Variants in MRPS27 observed in about 807,000 individuals in gnomAD.
MRPS27 encodes small ribosomal subunit protein mS27.
In MRPS27, 43 loss-of-function variants were observed where a neutral mutation model predicts 48.9. That is an observed-to-expected ratio of 0.88 (90% CI 0.69 to 1.13). The LOEUF is 1.13. MRPS27 is among the 50% of genes most tolerant of loss of function. The pLI is 0.00. For synonymous variants in MRPS27, 188 were observed against 171.9 expected, an observed-to-expected ratio of 1.09 and a Z score of -0.73; for missense variants, 467 against 476.3, an observed-to-expected ratio of 0.98 and a Z score of 0.18.
At chr5:72,286,399 G>A (rs1028637943) in intron 4 of MRPS27, among the ~76,000 whole-genome samples, 5 of 152,060 alleles carry the variant, frequency 3.3e-5, no homozygotes, top group Admixed American at 6.5e-5. Flanking sequence ...ATAGATAATA[G>A]AACAGAGATC....
intron 10 of MRPS27, among the ~76,000 whole-genome samples, chr5:72,223,160 G>A (rs995743156): frequency 6.6e-6 from 1 of 152,186 alleles, no homozygotes; most frequent in Non-Finnish European, 1.5e-5. Flanking sequence ...GCTCAGGGCT[G>A]TTCTGGAAAG....
chr5:72,296,762 CCT>C (rs1480432868), intron 3 of MRPS27, among the ~76,000 whole-genome samples: 1 of 152,110 alleles, frequency 6.6e-6, no homozygotes, highest in Non-Finnish European at 1.5e-5. Context: ...TAATTTCTTT[CCT>C]CTCTCTCTTC....
chr5:72,310,576 G>A lies in MRPS27; in HGVS notation c.151+3505C>T, dbSNP rs541673738. Among the ~76,000 whole-genome samples the A allele has an allele frequency of 5.8e-4, 88 of 152,238 alleles. No individual in the cohort carries two copies. In the Middle Eastern group the frequency reaches 0.014, roughly 24 times the overall value. On this transcript the variant is annotated intron_variant, in intron 2 of 10. Transcript: ENST00000261413. ...ACAGATAAATGAGAAAGAAATGAGA[G>A]AAAAGGAAGAGTTCTTGCTTATAGT...
At chr5:72,312,338 T>C (rs1019162883) in intron 2 of MRPS27, among the ~76,000 whole-genome samples, 2 of 152,152 alleles carry the variant, frequency 1.3e-5, no homozygotes, top group African/African-American at 4.8e-5. Context: ...AGACATACCT[T>C]TGAATCAATC....
intron 4 of MRPS27, among the ~76,000 whole-genome samples, chr5:72,252,927 T>C (rs1580072325): frequency 6.6e-6 from 1 of 152,200 alleles, no homozygotes; most frequent in South Asian, 2.1e-4. Context: ...AAATAAGCCT[T>C]GTATACCCAA....
intron 4 of MRPS27, among the ~76,000 whole-genome samples, chr5:72,268,855 T>C (rs112891597): frequency 0.011 from 1,664 of 152,218 alleles, 29 homozygotes; most frequent in African/African-American, 0.038. Flanking sequence ...TGATAGGGGG[T>C]CAATTGAACT....
chr5:72,262,029 C>T (rs551040807), intron 4 of MRPS27, among the ~76,000 whole-genome samples: 1 of 152,268 alleles, frequency 6.6e-6, no homozygotes, highest in East Asian at 1.9e-4. Context: ...ATCTGTTCTG[C>T]CCCTAAACCC....
chr5:72,298,181 C>A (rs763095440), intron 2 of MRPS27, among the ~76,000 whole-genome samples: 8 of 152,110 alleles, frequency 5.3e-5, no homozygotes, highest in Non-Finnish European at 1.2e-4. Flanking sequence ...AACAATTCAA[C>A]AAGCAAAAAC....
chr5:72,303,637 T>G (rs1308470854), intron 2 of MRPS27, among the ~76,000 whole-genome samples: 1 of 152,046 alleles, frequency 6.6e-6, no homozygotes, highest in Non-Finnish European at 1.5e-5. Flanking sequence ...ACAACTATAC[T>G]AACAGGTGTT....
chr5:72,249,102 C>T (rs1004165045), intron 4 of MRPS27, among the ~76,000 whole-genome samples: 2 of 152,204 alleles, frequency 1.3e-5, no homozygotes, highest in African/African-American at 4.8e-5. Context: ...AACAGATACA[C>T]TTTTTCCTTC....
At chr5:72,223,883 G>A (rs758934418) in intron 9 of MRPS27, 33 bp from the exon 10 acceptor site, 27 of 1,605,216 alleles carry the variant, frequency 1.7e-5, no homozygotes, top group Non-Finnish European at 8.5e-7. Flanking sequence ...GCAACCAAAT[G>A]TTTTATGGCC....
At chr5:72,225,237 G>A (rs1383397703) in intron 9 of MRPS27, among the ~76,000 whole-genome samples, 1 of 152,168 alleles carries the variant, frequency 6.6e-6, no homozygotes, top group East Asian at 1.9e-4. Flanking sequence ...TAAGGTGACA[G>A]GACAGACACC....
chr5:72,286,738 G>A (rs1165167644), intron 4 of MRPS27, among the ~76,000 whole-genome samples: 1 of 152,124 alleles, frequency 6.6e-6, no homozygotes. Flanking sequence ...GCTGTTAGCT[G>A]AGCTGTCCTC....
At chr5:72,225,654 C>T (rs1016250502) in intron 9 of MRPS27, among the ~76,000 whole-genome samples, 1 of 152,160 alleles carries the variant, frequency 6.6e-6, no homozygotes, top group African/African-American at 2.4e-5. Flanking sequence ...CTCTGGTCCC[C>T]AGATTCATTT....
chr5:72,249,708 G>A (rs930840877), intron 4 of MRPS27, among the ~76,000 whole-genome samples: 4 of 147,068 alleles, frequency 2.7e-5, no homozygotes, highest in Non-Finnish European at 6.0e-5. Context: ...CAGGCTGGGC[G>A]CAGTGGTTCA....
intron 4 of MRPS27, among the ~76,000 whole-genome samples, chr5:72,285,454 G>C (rs150270699): frequency 2.6e-5 from 4 of 152,262 alleles, no homozygotes; most frequent in Admixed American, 6.5e-5. Flanking sequence ...TCCTGGATTT[G>C]TGTTGATTTT....
chr5:72,276,453 A>G (rs768696209), intron 4 of MRPS27, among the ~76,000 whole-genome samples: 8 of 152,242 alleles, frequency 5.3e-5, no homozygotes, highest in Admixed American at 1.3e-4. Context: ...ATCTAAAACT[A>G]TAGAAACCCT....
chr5:72,312,380 A>G (rs1366526177), intron 2 of MRPS27, among the ~76,000 whole-genome samples: 2 of 152,160 alleles, frequency 1.3e-5, no homozygotes, highest in Non-Finnish European at 2.9e-5. Flanking sequence ...CATTCTATAA[A>G]TAAAATTATG....
At chr5:72,275,565 A>G (rs1749351881) in intron 4 of MRPS27, among the ~76,000 whole-genome samples, 1 of 152,240 alleles carries the variant, frequency 6.6e-6, no homozygotes, top group South Asian at 2.1e-4. Context: ...AAGAGCCCAT[A>G]TAGCCAAGAC....
Sources: gnomAD v4.1 joint callset for allele counts (sites outside exome capture counted in the v4.1 genomes callset) on GRCh38, gnomAD v4.1.1 for gene constraint, MANE v1.5 for transcripts, NCBI Gene and HGNC (gene_info 2026-07-23, HGNC 2026-07-21) for gene names.